GREB1L: variants seen among roughly 807,000 people sequenced by gnomAD.
GREB1L encodes GREB1-like protein.
Under a neutral mutation model 200.8 loss-of-function variants are expected in GREB1L, and 17 were observed. The observed-to-expected ratio is 0.08, with a 90% CI of 0.06 to 0.13. GREB1L has a LOEUF of 0.13. GREB1L is among the 10% of genes least tolerant of loss of function. The probability of loss-of-function intolerance (pLI) is 1.00; values close to 1 mark genes in which losing one functional copy is unlikely to be tolerated. For synonymous variants in GREB1L, 789 were observed against 893.0 expected (o/e 0.88, Z 2.08); for missense variants, 1,657 against 2,367.7 (o/e 0.70, Z 6.23).
Position 21,418,722 on chromosome 18 carries a change from A to G in GREB1L, c.832+14728A>G, listed in dbSNP as rs376657411. Among the ~76,000 whole-genome samples the G allele has an allele frequency of 3.3e-5, 5 of 151,986 alleles. No homozygotes were observed. The East Asian group carries it at 9.6e-4, about 29-fold the overall frequency. On this transcript the variant is annotated intron_variant, in intron 7 of 32. Transcript: ENST00000424526. ...GTATTTTTATTAGAGACAGGGTTTCACCATGTTGGCCAGGCTGGTTTCGAG... is the reference window on the plus strand; with the variant it reads ...GTATTTTTATTAGAGACAGGGTTTCGCCATGTTGGCCAGGCTGGTTTCGAG...
intron 4 of GREB1L, among the ~76,000 whole-genome samples, chr18:21,387,325 T>C (rs2040583667): frequency 6.6e-6 from 1 of 152,248 alleles, no homozygotes; most frequent in South Asian, 2.1e-4. Context: ...AATCTTTGGC[T>C]GTTTTCTTAA....
intron 1 of GREB1L, among the ~76,000 whole-genome samples, chr18:21,323,632 T>C (rs1019249455): frequency 7.9e-5 from 12 of 152,188 alleles, no homozygotes; most frequent in Non-Finnish European, 1.2e-4. Flanking sequence ...CTCCAAACGT[T>C]GAGGTGGGAG....
chr18:21,286,256 G>C (rs1162341138), intron 1 of GREB1L, among the ~76,000 whole-genome samples: 1 of 152,174 alleles, frequency 6.6e-6, no homozygotes, highest in African/African-American at 2.4e-5. Flanking sequence ...TGTATGTGAA[G>C]TTGATTAGGA....
intron 1 of GREB1L, among the ~76,000 whole-genome samples, chr18:21,250,622 T>A (rs2037686973): frequency 6.6e-6 from 1 of 152,226 alleles, no homozygotes; most frequent in African/African-American, 2.4e-5. Flanking sequence ...ATGTAATTGG[T>A]ATAATATCTC....
intron 7 of GREB1L, among the ~76,000 whole-genome samples, chr18:21,413,800 A>G (rs1185586335): frequency 3.3e-5 from 5 of 152,220 alleles, no homozygotes; most frequent in Non-Finnish European, 2.9e-5. Context: ...CTAAGAGAAA[A>G]TGCAACCCCT....
intron 1 of GREB1L, among the ~76,000 whole-genome samples, chr18:21,299,654 T>G (rs1216094982): frequency 6.6e-6 from 1 of 152,140 alleles, no homozygotes; most frequent in Non-Finnish European, 1.5e-5. Context: ...CACTAAGATG[T>G]TTAAACCGTT....
At chr18:21,289,706 A>G (rs906244860) in intron 1 of GREB1L, among the ~76,000 whole-genome samples, 2 of 152,194 alleles carry the variant, frequency 1.3e-5, no homozygotes, top group Non-Finnish European at 2.9e-5. Flanking sequence ...GAAACAATCC[A>G]TGTTTATTTG....
intron 2 of GREB1L, chr18:21,380,559 G>A (rs910139951): frequency 1.8e-4 from 28 of 152,166 alleles, no homozygotes; most frequent in Admixed American, 1.8e-3. Flanking sequence ...GTAAGAGTGC[G>A]GGCTTTGTCA....
intron 1 of GREB1L, among the ~76,000 whole-genome samples, chr18:21,329,841 C>T (rs1283570379): frequency 1.3e-5 from 2 of 152,156 alleles, no homozygotes; most frequent in Admixed American, 6.5e-5. Context: ...ATCTAGCCCC[C>T]TCTCCTGTGT....
At chr18:21,504,232 C>T (rs1438573538) in intron 23 of GREB1L, among the ~76,000 whole-genome samples, 3 of 152,186 alleles carry the variant, frequency 2.0e-5, no homozygotes, top group Non-Finnish European at 2.9e-5. Context: ...CGTGTCTTGG[C>T]ACTTTAAATG....
chr18:21,469,027 C>T (rs1157345054), intron 15 of GREB1L: 2 of 249,160 alleles, frequency 8.0e-6, no homozygotes, highest in Non-Finnish European at 1.6e-5. Flanking sequence ...CAAGTTTCTG[C>T]ATTGTAAAGT....
At chr18:21,518,303 C>T in intron 31 of GREB1L, 69 bp downstream of exon 31, 2 of 1,405,040 alleles carry the variant, frequency 1.4e-6, no homozygotes, top group Non-Finnish European at 1.9e-6. Context: ...TAGCTGTTTA[C>T]AAAAAAGGAG....
At position 21,522,942 on chromosome 18, in the gene GREB1L, T is replaced by A. The variant is rs1380606137; in HGVS notation, c.*121T>A. On this transcript the variant is annotated 3_prime_UTR_variant, in exon 33 of 33. Transcript: ENST00000424526. The stretch of plus-strand genomic sequence containing the variant: ...TGGAGCAAAGTGCAACATATTTGTC[T>A]AAATTCTCCAAAGAACTCCCCAAAT... 1.1e-6 allele frequency: 1 copy of A among 919,882 alleles called. No homozygotes were observed. Among genetic ancestry groups the A allele is most frequent in the Non-Finnish European group, 1.6e-6 (1 of 636,048 alleles). The allele number at this position is 919,882 out of a possible 1,614,324, so 57.0% of individuals were successfully genotyped here.
chr18:21,517,415 G>A (rs566787346), intron 30 of GREB1L, among the ~76,000 whole-genome samples: 10 of 152,156 alleles, frequency 6.6e-5, no homozygotes, highest in African/African-American at 9.6e-5. Flanking sequence ...CTGGACTGCA[G>A]TGGCATGATC....
chr18:21,386,991 G>A (rs969408792), intron 4 of GREB1L, among the ~76,000 whole-genome samples: 4 of 152,150 alleles, frequency 2.6e-5, no homozygotes, highest in African/African-American at 7.2e-5. Flanking sequence ...TCAAAGAAAG[G>A]TAAAGCTATT....
chr18:21,353,978 AG>A (rs1480565421), intron 1 of GREB1L, among the ~76,000 whole-genome samples: 1 of 152,064 alleles, frequency 6.6e-6, no homozygotes, highest in Non-Finnish European at 1.5e-5. Context: ...TGGTATAGAC[AG>A]GGTTTTACCG....
chr18:21,369,598 A>G (rs908258403), intron 2 of GREB1L, among the ~76,000 whole-genome samples: 1 of 152,348 alleles, frequency 6.6e-6, no homozygotes, highest in Non-Finnish European at 1.5e-5. Context: ...AGCATAGTAC[A>G]ATAATTATTT....
chr18:21,297,279 A>G (rs1180588598), intron 1 of GREB1L, among the ~76,000 whole-genome samples: 3 of 152,122 alleles, frequency 2.0e-5, no homozygotes, highest in Admixed American at 1.3e-4. Flanking sequence ...CAGCCCTTAT[A>G]CTGGGCTGGG....
chr18:21,504,917 A>G (rs905949564), intron 23 of GREB1L, among the ~76,000 whole-genome samples: 2 of 152,210 alleles, frequency 1.3e-5, no homozygotes, highest in African/African-American at 4.8e-5. Context: ...GCCTTAAACA[A>G]TATGACTGGA....
Sources: gnomAD v4.1 joint callset for allele counts (sites outside exome capture counted in the v4.1 genomes callset) on GRCh38, gnomAD v4.1.1 for gene constraint, MANE v1.5 for transcripts, NCBI Gene and HGNC (gene_info 2026-07-23, HGNC 2026-07-21) for gene names.